CCAR1: variants seen among roughly 807,000 people sequenced by gnomAD.
The protein encoded by CCAR1 is cell division cycle and apoptosis regulator protein 1.
Under a neutral mutation model 163.8 loss-of-function variants are expected in CCAR1, and 78 were observed. That is an observed-to-expected ratio of 0.48 (90% CI 0.40 to 0.57). The LOEUF is 0.57. Ranked by LOEUF, CCAR1 falls within the 20% of genes least tolerant of loss-of-function variation. CCAR1 has a pLI of 0.00. For missense variants in CCAR1, 1,019 were observed against 1,365.2 expected (o/e 0.75, Z 4.00); for synonymous variants, 443 against 460.7 (o/e 0.96, Z 0.49).
Position 68,756,563 on chromosome 10 carries a change from C to CAT in CCAR1, c.1836+82_1836+83dup. The stretch of plus-strand genomic sequence containing the variant: ...AGGCACAAATGCACACCACACACTA[C>CAT]ATAATAAACACACATGGAGGAACAT... On this transcript the variant is annotated intron_variant, in intron 14 of 24. Coordinates refer to ENST00000265872, the MANE Select transcript of CCAR1 (RefSeq NM_018237.4). The surrounding 1 kb of genome is among the most constrained non-coding windows in gnomAD (Gnocchi z 5.1). 1 of 1,078,036 alleles carries CAT rather than the reference C, an allele frequency of 9.3e-7. No individual in the cohort carries two copies. Among genetic ancestry groups the CAT allele is most frequent in the Non-Finnish European group, 1.4e-6 (1 of 717,076 alleles). The allele number at this position is 1,078,036 out of a possible 1,614,324, so 66.8% of individuals were successfully genotyped here.
intron 19 of CCAR1, among the ~76,000 whole-genome samples, chr10:68,780,628 T>C (rs1451414867): frequency 3.3e-5 from 5 of 152,224 alleles, no homozygotes; most frequent in Admixed American, 3.3e-4. Context: ...AGATAGTGCC[T>C]TACGCCAAGC....
chr10:68,748,533 G>GGCTAGAGT (rs1203799903), intron 8 of CCAR1, among the ~76,000 whole-genome samples: 5 of 141,332 alleles, frequency 3.5e-5, no homozygotes, highest in Admixed American at 7.6e-5. Flanking sequence ...CTATCGCCAA[G>GGCTAGAGT]GCTAGAGTGC....
chr10:68,733,081 T>TAGGGAG (rs1215641768), intron 2 of CCAR1, among the ~76,000 whole-genome samples: 9 of 152,156 alleles, frequency 5.9e-5, no homozygotes, highest in Non-Finnish European at 1.3e-4. Flanking sequence ...CCTTTCTCCC[T>TAGGGAG]ACCTATGACA....
Position 68,766,423 on chromosome 10 carries a change from G to A in CCAR1, c.2298+344G>A, listed in dbSNP as rs1161339465. On this transcript the variant is annotated intron_variant, in intron 17 of 24. Transcript: ENST00000265872. ...TCACCATGTTGGCCAGCCTGGTCTC[G>A]AACTCCTGACCTCAGGTGATCTGCC... Among the ~76,000 whole-genome samples the A allele has an allele frequency of 3.3e-5, 5 of 151,932 alleles. No homozygotes were observed. The East Asian group carries it at 7.8e-4, about 24-fold the overall frequency.
intron 19 of CCAR1, among the ~76,000 whole-genome samples, chr10:68,777,191 T>G (rs1204832664): frequency 2.0e-5 from 3 of 152,214 alleles, no homozygotes; most frequent in Non-Finnish European, 4.4e-5. Flanking sequence ...TCCACTAATT[T>G]GACTATAATG....
chr10:68,751,257 C>A (rs1184086277), intron 10 of CCAR1, among the ~76,000 whole-genome samples: 1 of 151,934 alleles, frequency 6.6e-6, no homozygotes, highest in Non-Finnish European at 1.5e-5. Context: ...AAACTCCTTA[C>A]CTCAGGTGAT....
chr10:68,766,746 G>A (rs1171031681), intron 17 of CCAR1, among the ~76,000 whole-genome samples: 7 of 151,176 alleles, frequency 4.6e-5, no homozygotes, highest in South Asian at 4.2e-4. Context: ...CGCTGGTCTC[G>A]AACTCCAACC....
chr10:68,765,518 A>G (rs949060283), intron 16 of CCAR1, among the ~76,000 whole-genome samples: 5 of 152,052 alleles, frequency 3.3e-5, no homozygotes, highest in Non-Finnish European at 5.9e-5. Flanking sequence ...TTTGATTTTT[A>G]TATCTATATT....
chr10:68,733,010 A>C (rs1452128360), intron 2 of CCAR1, among the ~76,000 whole-genome samples: 2 of 152,174 alleles, frequency 1.3e-5, no homozygotes, highest in Non-Finnish European at 2.9e-5. Context: ...TTTTGAATTA[A>C]TACTGGTGTT....
intron 2 of CCAR1, among the ~76,000 whole-genome samples, chr10:68,727,045 G>A (rs1431885305): frequency 6.8e-6 from 1 of 147,996 alleles, no homozygotes; most frequent in African/African-American, 2.5e-5. Flanking sequence ...TTCAAAGCTG[G>A]ATCAGGCCTA....
intron 16 of CCAR1, among the ~76,000 whole-genome samples, chr10:68,763,203 T>A (rs1224149174): frequency 6.6e-6 from 1 of 152,144 alleles, no homozygotes; most frequent in East Asian, 1.9e-4. Flanking sequence ...CAGGTTGGAG[T>A]GCAGTGGTGC....
intron 1 of CCAR1, 159 bp downstream of exon 1, chr10:68,721,441 C>A: frequency 3.2e-6 from 1 of 310,080 alleles, no homozygotes; most frequent in Non-Finnish European, 6.3e-6. Context: ...GGGAGGGACG[C>A]GGTCCCTTTT....
rs2056407689 is a variant in CCAR1, at chr10:68,757,337, C to T, written c.1880C>T (p.Thr627Ile). The T allele has an allele frequency of 1.9e-6, 3 of 1,591,282 alleles. No homozygotes were observed. The highest frequency in any genetic ancestry group is 2.6e-6 in the Non-Finnish European group (3 of 1,159,878). ...GATGGTGAAGCTAAAGAAATTTCTA[C>T]ACCTACCCATTGGTCTAAACTTGAT... ...KDDGEAKEIS[T>I]PTHWSKLDPK... The change falls in exon 15 of 25, where the codon ACA (threonine) becomes ATA (isoleucine). Residue 627 changes from threonine to isoleucine, a missense_variant. Thr to Ile is a moderately conservative substitution (Grantham distance 89). Coordinates refer to ENST00000265872, the MANE Select transcript of CCAR1 (RefSeq NM_018237.4).
chr10:68,775,551 C>A (rs552360728), intron 19 of CCAR1, among the ~76,000 whole-genome samples: 1 of 149,702 alleles, frequency 6.7e-6, no homozygotes, highest in South Asian at 2.1e-4. Flanking sequence ...GGCTCTGTCA[C>A]CAGGCGGGAG....
At chr10:68,738,156 T>G (rs890449115) in intron 4 of CCAR1, among the ~76,000 whole-genome samples, 2 of 152,234 alleles carry the variant, frequency 1.3e-5, no homozygotes, top group African/African-American at 4.8e-5. Flanking sequence ...GGCTCATGCC[T>G]GTAATCCCAG....
intron 19 of CCAR1, among the ~76,000 whole-genome samples, chr10:68,783,034 A>C: frequency 1.5e-5 from 2 of 131,900 alleles, no homozygotes; most frequent in African/African-American, 2.9e-5. Flanking sequence ...ACAGGGTTTC[A>C]CTCTGTCATG....
At chr10:68,723,473 A>G (rs1267408616) in intron 2 of CCAR1, among the ~76,000 whole-genome samples, 2 of 151,764 alleles carry the variant, frequency 1.3e-5, no homozygotes, top group Non-Finnish European at 2.9e-5. Context: ...TAATTGATTT[A>G]ATTCTGTTAG....
At chr10:68,724,162 A>G (rs1485020909) in intron 2 of CCAR1, among the ~76,000 whole-genome samples, 1 of 3,820 alleles carries the variant, frequency 2.6e-4, no homozygotes. Context: ...CTGTCTCAGA[A>G]AAAAAAAAAA....
At chr10:68,746,055 C>T (rs1396220619) in intron 6 of CCAR1, among the ~76,000 whole-genome samples, 1 of 151,626 alleles carries the variant, frequency 6.6e-6, no homozygotes, top group East Asian at 1.9e-4. Context: ...TCATCACAAC[C>T]TCTGCCTCCC....
Sources: allele counts gnomAD v4.1 joint callset (sites outside exome capture counted in the v4.1 genomes callset), GRCh38; gene constraint gnomAD v4.1.1; non-coding constraint Gnocchi (gnomAD v3.1); transcripts MANE v1.5; gene names NCBI Gene and HGNC (gene_info 2026-07-23, HGNC 2026-07-21).